The following NRG3 variants were observed in gnomAD, a reference collection of about 807,000 sequenced individuals.
The protein encoded by NRG3 is neuregulin 3, also known as pro-neuregulin-3, membrane-bound isoform.
A neutral mutation model predicts 66.9 loss-of-function variants in NRG3; 31 were observed. The observed-to-expected ratio is 0.46, with a 90% confidence interval of 0.35 to 0.63. The LOEUF (loss-of-function observed/expected upper bound fraction) is 0.63. NRG3 is among the 20% of genes least tolerant of loss of function. NRG3 has a pLI of 0.00. For synonymous variants in NRG3, 393 were observed against 359.4 expected (o/e 1.09, Z -1.06); for missense variants, 910 against 878.9 (o/e 1.04, Z -0.45).
intron 1 of NRG3, among the ~76,000 whole-genome samples, chr10:81,946,506 CAG>C (rs1762028502): frequency 1.3e-5 from 2 of 152,200 alleles, no homozygotes; most frequent in Non-Finnish European, 2.9e-5. Flanking sequence ...TTGGCAGCCT[CAG>C]AGGTTTTATA....
intron 2 of NRG3, among the ~76,000 whole-genome samples, chr10:82,458,701 A>G (rs2136683967): frequency 6.6e-6 from 1 of 152,314 alleles, no homozygotes; most frequent in African/African-American, 2.4e-5. Context: ...ATATTTCTAA[A>G]TTCCAAAGCC....
At chr10:82,672,836 G>A (rs553203566) in intron 2 of NRG3, among the ~76,000 whole-genome samples, 1 of 152,070 alleles carries the variant, frequency 6.6e-6, no homozygotes, top group South Asian at 2.1e-4. Context: ...TGCAACTTTC[G>A]CCTCCCAGGT....
At chr10:81,974,341 A>C (rs1373311703) in intron 1 of NRG3, among the ~76,000 whole-genome samples, 1 of 152,124 alleles carries the variant, frequency 6.6e-6, no homozygotes, top group African/African-American at 2.4e-5. Flanking sequence ...GACATATTAC[A>C]TACAGAGGAA....
At chr10:82,292,387 A>T (rs2079799130) in intron 1 of NRG3, among the ~76,000 whole-genome samples, 1 of 152,186 alleles carries the variant, frequency 6.6e-6, no homozygotes, top group African/African-American at 2.4e-5. Context: ...GCTGGTGGAA[A>T]TATATTTGGT....
At chr10:81,900,760 A>C (rs2132650333) in intron 1 of NRG3, among the ~76,000 whole-genome samples, 1 of 152,338 alleles carries the variant, frequency 6.6e-6, no homozygotes, top group East Asian at 1.9e-4. Context: ...TTCTTAGATA[A>C]TTGGAGAAAG....
intron 1 of NRG3, among the ~76,000 whole-genome samples, chr10:81,994,587 G>A (rs1286662450): frequency 1.3e-5 from 2 of 151,894 alleles, no homozygotes; most frequent in Non-Finnish European, 2.9e-5. Context: ...CGAATAGTTG[G>A]AAAGAATTTG....
At chr10:82,946,709 G>T (rs1445922082) in intron 4 of NRG3, among the ~76,000 whole-genome samples, 1 of 151,998 alleles carries the variant, frequency 6.6e-6, no homozygotes, top group Non-Finnish European at 1.5e-5. Flanking sequence ...AAGTCAAATA[G>T]GAACCTAATA....
intron 3 of NRG3, among the ~76,000 whole-genome samples, chr10:82,772,544 T>C (rs951435175): frequency 4.6e-5 from 7 of 152,026 alleles, no homozygotes; most frequent in Non-Finnish European, 1.0e-4. Flanking sequence ...ATCTTTTTTT[T>C]CCAAATATTC....
At chr10:82,102,003 G>GTA (rs142461785) in intron 1 of NRG3, among the ~76,000 whole-genome samples, 21,240 of 128,932 alleles carry the variant, frequency 0.16, 2,038 homozygotes, top group East Asian at 0.37. Flanking sequence ...ATATGTGTGC[G>GTA]TATATATATA....
chr10:82,309,497 A>T (rs1049931912), intron 1 of NRG3, among the ~76,000 whole-genome samples: 1 of 152,044 alleles, frequency 6.6e-6, no homozygotes, highest in African/African-American at 2.4e-5. Context: ...ACAGTCTCTT[A>T]AGAAGCCCTT....
At chr10:81,980,038 G>A (rs998851682) in intron 1 of NRG3, among the ~76,000 whole-genome samples, 2 of 152,154 alleles carry the variant, frequency 1.3e-5, no homozygotes, top group Non-Finnish European at 1.5e-5. Context: ...CTTCCTCATC[G>A]CCTTTCATGG....
chr10:82,170,208 C>G (rs2072458600), intron 1 of NRG3, among the ~76,000 whole-genome samples: 1 of 151,920 alleles, frequency 6.6e-6, no homozygotes. Flanking sequence ...TGTTCCTGGC[C>G]TATGGGTTTC....
chr10:82,421,545 C>T (rs745381428), intron 2 of NRG3, among the ~76,000 whole-genome samples: 10 of 152,116 alleles, frequency 6.6e-5, no homozygotes, highest in Non-Finnish European at 1.3e-4. Context: ...TCACCCCCAG[C>T]AGATGTAGGG....
Position 82,710,613 on chromosome 10 carries a change from A to AT in NRG3, c.954-27961dup, listed in dbSNP as rs1360313548. Among the ~76,000 whole-genome samples the AT allele has an allele frequency of 1.1e-3, 160 of 146,952 alleles. 1 individual carries two copies. The highest frequency in any genetic ancestry group is 2.1e-3 in the Non-Finnish European group (138 of 66,672). On this transcript the variant is annotated intron_variant, in intron 2 of 8. Coordinates refer to ENST00000372141, the MANE Select transcript of NRG3 (RefSeq NM_001010848.4). ...AAAAAAAAAAAAAAAAAAAAAAAGA[A>AT]TTTATTTCTGCAAATGGTGGATGTA...
intron 1 of NRG3, among the ~76,000 whole-genome samples, chr10:81,957,559 T>C (rs1315159991): frequency 2.0e-5 from 3 of 152,358 alleles, no homozygotes; most frequent in African/African-American, 7.2e-5. Flanking sequence ...CCGTTTCTAG[T>C]AGAATGAATA....
intron 3 of NRG3, among the ~76,000 whole-genome samples, chr10:82,763,766 T>C (rs1476499068): frequency 2.6e-5 from 4 of 152,148 alleles, no homozygotes; most frequent in Non-Finnish European, 5.9e-5. Flanking sequence ...TATGTGGCTG[T>C]TGATCATACA....
chr10:82,349,419 C>A (rs1182383846), intron 1 of NRG3, among the ~76,000 whole-genome samples: 72 of 150,754 alleles, frequency 4.8e-4, no homozygotes, highest in Non-Finnish European at 8.4e-4. Flanking sequence ...GCAGTCTGCC[C>A]GTTCTCAGAT....
chr10:82,567,032 C>T (rs566880743), intron 2 of NRG3, among the ~76,000 whole-genome samples: 71 of 152,084 alleles, frequency 4.7e-4, no homozygotes, highest in Admixed American at 1.2e-3. Flanking sequence ...GAAGGATCCA[C>T]GCTGTTTTCA....
chr10:82,626,879 A>G (rs1404228885), intron 2 of NRG3, among the ~76,000 whole-genome samples: 2 of 152,154 alleles, frequency 1.3e-5, no homozygotes, highest in African/African-American at 4.8e-5. Flanking sequence ...ACCTGTTAAC[A>G]TAGGTCATGC....
Sources: gnomAD v4.1 joint callset for allele counts (sites outside exome capture counted in the v4.1 genomes callset) on GRCh38, gnomAD v4.1.1 for gene constraint, MANE v1.5 for transcripts, NCBI Gene and HGNC (gene_info 2026-07-23, HGNC 2026-07-21) for gene names.